GSE1: variants seen among roughly 807,000 people sequenced by gnomAD.
GSE1 encodes genetic suppressor element 1.
GSE1 carries 32 observed loss-of-function variants against 112.6 expected under a neutral mutation model. The observed-to-expected ratio is 0.28, with a 90% confidence interval of 0.21 to 0.38. The LOEUF (loss-of-function observed/expected upper bound fraction) is 0.38, where lower values mean the gene tolerates loss of function less well. GSE1 is among the 10% of genes least tolerant of loss of function. The pLI, the probability that GSE1 is intolerant of heterozygous loss-of-function variation, is 1.00. For synonymous variants in GSE1, 1,115 were observed against 735.6 expected, an observed-to-expected ratio of 1.52 and a Z score of -8.35; for missense variants, 2,348 against 1,699.2, an observed-to-expected ratio of 1.38 and a Z score of -6.71.
intron 1 of GSE1, among the ~76,000 whole-genome samples, chr16:85,556,760 C>CT (rs1483321866): frequency 6.9e-6 from 1 of 145,730 alleles, no homozygotes; most frequent in East Asian, 2.1e-4. Flanking sequence ...CCCCCCCCCC[C>CT]CCCAGTCCTG....
At chr16:85,473,571 G>C (rs73263185) in intron 2 of GSE1, among the ~76,000 whole-genome samples, 22,528 of 152,174 alleles carry the variant, frequency 0.15, 3,729 homozygotes, top group African/African-American at 0.41. Context: ...GTGGCCGCAT[G>C]TCCCTGCTCT....
At chr16:85,672,294 C>G (rs531668527) in intron 15 of GSE1, 111 bp from the exon 16 acceptor site, 2 of 801,336 alleles carry the variant, frequency 2.5e-6, no homozygotes, top group African/African-American at 1.7e-5. Flanking sequence ...CACGCCCGGC[C>G]GGGACATTTT....
intron 1 of GSE1, among the ~76,000 whole-genome samples, chr16:85,578,326 C>A (rs372326519): frequency 2.0e-5 from 3 of 152,318 alleles, no homozygotes; most frequent in Admixed American, 1.3e-4. Context: ...GGCAGCCTGT[C>A]CCGAACGCCA....
intron 1 of GSE1, among the ~76,000 whole-genome samples, chr16:85,596,661 T>C (rs1045655392): frequency 6.6e-6 from 1 of 152,258 alleles, no homozygotes; most frequent in Non-Finnish European, 1.5e-5. Context: ...TCAGTTCCTT[T>C]GTCACACTGG....
chr16:85,551,044 T>G (rs1349247278), upstream of GSE1, among the ~76,000 whole-genome samples: 1 of 151,912 alleles, frequency 6.6e-6, no homozygotes, highest in Non-Finnish European at 1.5e-5. Context: ...TTCAGGGAGG[T>G]GCGGGGTGAG....
chr16:85,656,015 C>T (rs2051895915), intron 6 of GSE1, 98 bp downstream of exon 6: 2 of 913,458 alleles, frequency 2.2e-6, no homozygotes, highest in Middle Eastern at 3.2e-4. Flanking sequence ...GACTCCTTGG[C>T]CATGCCTGTC....
At chr16:85,186,352 C>T (rs781354180) in intron 1 of GSE1, among the ~76,000 whole-genome samples, 33 of 152,062 alleles carry the variant, frequency 2.2e-4, no homozygotes, top group Non-Finnish European at 3.5e-4. Flanking sequence ...CACCTGTAAT[C>T]CCAGCATTTT....
chr16:85,598,167 GTTTTTTT>G (rs973836177), intron 1 of GSE1, among the ~76,000 whole-genome samples: 1 of 71,546 alleles, frequency 1.4e-5, no homozygotes, highest in Non-Finnish European at 2.7e-5. Context: ...AGGTTTGGTT[GTTTTTTT>G]TTTTTTTTTT....
At chr16:85,470,156 G>A (rs368716138) in intron 2 of GSE1, among the ~76,000 whole-genome samples, 3 of 152,324 alleles carry the variant, frequency 2.0e-5, no homozygotes, top group Admixed American at 6.5e-5. Context: ...CTAGAAAGTC[G>A]GCAGCTCGAG....
intron 1 of GSE1, among the ~76,000 whole-genome samples, chr16:85,251,714 G>A (rs959881813): frequency 3.3e-5 from 5 of 152,250 alleles, no homozygotes; most frequent in South Asian, 2.1e-4. Flanking sequence ...TACAGGACCC[G>A]CTTTTCTAAA....
chr16:85,523,922 G>T (rs1015420832), intron 2 of GSE1, among the ~76,000 whole-genome samples: 5 of 152,228 alleles, frequency 3.3e-5, no homozygotes, highest in Non-Finnish European at 5.9e-5. Context: ...GGGCGCAGGA[G>T]GGGGCAGCTT....
chr16:85,424,786 C>G (rs956958278), intron 2 of GSE1, among the ~76,000 whole-genome samples: 5 of 152,284 alleles, frequency 3.3e-5, no homozygotes, highest in Non-Finnish European at 7.3e-5. Flanking sequence ...CTCACCACCC[C>G]CTCTGCGTGG....
chr16:85,368,218 C>T (rs2047226453), intron 2 of GSE1, among the ~76,000 whole-genome samples: 1 of 152,146 alleles, frequency 6.6e-6, no homozygotes, highest in South Asian at 2.1e-4. Flanking sequence ...ATGTTCCAAG[C>T]AGGTTCTTAC....
intron 1 of GSE1, among the ~76,000 whole-genome samples, chr16:85,601,754 G>T (rs1400054662): frequency 1.3e-5 from 2 of 152,154 alleles, no homozygotes; most frequent in Non-Finnish European, 2.9e-5. Context: ...CCTTGCAGCC[G>T]ACGTGAGCTA....
intron 1 of GSE1, among the ~76,000 whole-genome samples, chr16:85,346,097 C>T (rs1318348751): frequency 2.4e-5 from 2 of 81,756 alleles, no homozygotes; most frequent in African/African-American, 4.9e-5. Flanking sequence ...GATGGAGGGG[C>T]GGGCGGGTGG....
chr16:85,413,753 T>C (rs943887241), intron 2 of GSE1, among the ~76,000 whole-genome samples: 1 of 152,128 alleles, frequency 6.6e-6, no homozygotes, highest in Non-Finnish European at 1.5e-5. Context: ...GAGGGTGATA[T>C]GGTTAGACTT....
chr16:85,376,909 C>CCGCACAA (rs902678588), intron 2 of GSE1, among the ~76,000 whole-genome samples: 1 of 152,232 alleles, frequency 6.6e-6, no homozygotes, highest in African/African-American at 2.4e-5. Context: ...ACACCGCACA[C>CCGCACAA]CCGGCCCCGC....
chr16:85,322,932 G>C (rs2046143142), intron 1 of GSE1, among the ~76,000 whole-genome samples: 1 of 152,132 alleles, frequency 6.6e-6, no homozygotes, highest in African/African-American at 2.4e-5. Context: ...TTGCTTTTGA[G>C]GAAACTGAGG....
At chr16:85,495,430 TTTA>T (rs748170634) in intron 2 of GSE1, among the ~76,000 whole-genome samples, 59 of 5,558 alleles carry the variant, frequency 0.011, no homozygotes, top group Admixed American at 0.049. Context: ...CTGGGAACAT[TTTA>T]TTTATTTATT....
Sources: gnomAD v4.1 joint callset for allele counts (sites outside exome capture counted in the v4.1 genomes callset) on GRCh38, gnomAD v4.1.1 for gene constraint, MANE v1.5 for transcripts, NCBI Gene and HGNC (gene_info 2026-07-23, HGNC 2026-07-21) for gene names.